TTC39B: variants seen among roughly 807,000 people sequenced by gnomAD.
TTC39B encodes tetratricopeptide repeat domain 39B.
TTC39B carries 92 observed loss-of-function variants against 96.6 expected under a neutral mutation model. The observed-to-expected ratio is 0.95, with a 90% CI of 0.80 to 1.13. TTC39B has a LOEUF of 1.13. TTC39B is among the 50% of genes most tolerant of loss of function. The pLI is 0.00. For synonymous variants in TTC39B, 367 were observed against 299.4 expected (o/e 1.23, Z -2.33); for missense variants, 955 against 809.3 (o/e 1.18, Z -2.18).
exon 20 of TTC39B, chr9:15,163,678 T>C (rs1244246796): frequency 6.6e-6 from 1 of 152,192 alleles, no homozygotes; most frequent in African/African-American, 2.4e-5. Flanking sequence ...AGTAAACCAG[T>C]TGTAGCAATA....
chr9:15,242,960 G>C (rs898614130), intron 2 of TTC39B, among the ~76,000 whole-genome samples: 1 of 152,216 alleles, frequency 6.6e-6, no homozygotes, highest in Admixed American at 6.5e-5. Flanking sequence ...AGGAACCTGT[G>C]GGCCAACCAA....
chr9:15,203,653 A>G (rs990943028), intron 7 of TTC39B, among the ~76,000 whole-genome samples, 170 bp downstream of exon 7: 3 of 152,204 alleles, frequency 2.0e-5, no homozygotes, highest in African/African-American at 7.2e-5. Context: ...GAGGAGGAAC[A>G]AAGCTCTCTA....
At chr9:15,301,457 T>C (rs990511911) in intron 1 of TTC39B, among the ~76,000 whole-genome samples, 8 of 152,168 alleles carry the variant, frequency 5.3e-5, no homozygotes, top group African/African-American at 1.9e-4. Context: ...GTTGGTGGAA[T>C]GAAAGAATAA....
At chr9:15,211,613 T>C (rs1414017921) in intron 4 of TTC39B, among the ~76,000 whole-genome samples, 1 of 152,114 alleles carries the variant, frequency 6.6e-6, no homozygotes, top group Non-Finnish European at 1.5e-5. Flanking sequence ...TGTTCCAGGT[T>C]GAAGGGGACA....
chr9:15,218,108 T>G (rs557723184), intron 3 of TTC39B, among the ~76,000 whole-genome samples: 1 of 143,742 alleles, frequency 7.0e-6, no homozygotes, highest in Admixed American at 7.3e-5. Context: ...CTGCGGAGGT[T>G]GCAGTGAGCT....
chr9:15,235,020 G>GATAAATAAATAA (rs1444990345), intron 2 of TTC39B, among the ~76,000 whole-genome samples: 2 of 55,424 alleles, frequency 3.6e-5, no homozygotes, highest in South Asian at 5.2e-4. Context: ...ACCCAAGAAT[G>GATAAATAAATAA]ATCAATAAAT....
intron 2 of TTC39B, among the ~76,000 whole-genome samples, chr9:15,235,308 G>T (rs765272761): frequency 4.6e-5 from 7 of 152,092 alleles, no homozygotes; most frequent in Non-Finnish European, 8.8e-5. Context: ...CAGACATACA[G>T]GATTGTGCAA....
chr9:15,240,209 G>A (rs1369483432), intron 2 of TTC39B, among the ~76,000 whole-genome samples: 1 of 152,092 alleles, frequency 6.6e-6, no homozygotes, highest in Non-Finnish European at 1.5e-5. Flanking sequence ...ATTTTGCCAG[G>A]CCTGTCACCA....
At chr9:15,175,226 A>G (rs1165042305) in intron 18 of TTC39B, 91 bp from the exon 19 acceptor site, 2 of 891,600 alleles carry the variant, frequency 2.2e-6, no homozygotes, top group Admixed American at 4.1e-5. Context: ...TTCAGAAAAC[A>G]TGTGCAGCAC....
At chr9:15,184,506 T>G (rs1221312183) in intron 16 of TTC39B, among the ~76,000 whole-genome samples, 2 of 151,976 alleles carry the variant, frequency 1.3e-5, no homozygotes, top group African/African-American at 4.8e-5. Flanking sequence ...GCTGACTATC[T>G]ATATAAAAAC....
chr9:15,191,127 C>T, intron 10 of TTC39B, 63 bp downstream of exon 10: 1 of 1,182,006 alleles, frequency 8.5e-7, no homozygotes, highest in Admixed American at 1.9e-5. Context: ...TTGCATTGCC[C>T]TCATGTTCAA....
chr9:15,178,402 G>A (rs1377150898), intron 17 of TTC39B, among the ~76,000 whole-genome samples: 1 of 151,936 alleles, frequency 6.6e-6, no homozygotes, highest in Non-Finnish European at 1.5e-5. Context: ...ATGAGACCCC[G>A]TCTCTACAAA....
chr9:15,228,976 T>C (rs1821279346), intron 2 of TTC39B, among the ~76,000 whole-genome samples: 1 of 152,232 alleles, frequency 6.6e-6, no homozygotes, highest in Admixed American at 6.5e-5. Context: ...ATGGAAATTC[T>C]ACAGTATTTC....
chr9:15,216,588 A>G (rs1415732741), intron 3 of TTC39B, among the ~76,000 whole-genome samples: 1 of 152,178 alleles, frequency 6.6e-6, no homozygotes, highest in African/African-American at 2.4e-5. Context: ...TCAGTGTTAC[A>G]TTCTGAACAT....
At position 15,233,699 on chromosome 9, in the gene TTC39B, C is replaced by G. The variant is rs577634338; in HGVS notation, c.276-7687G>C. 3.3e-5 allele frequency among the ~76,000 whole-genome samples: 5 copies of G among 152,298 alleles called. No homozygotes were observed. In the East Asian group the frequency reaches 9.7e-4, roughly 29 times the overall value. ...CTGGAGTGCAGTGGCGTGATCTCGGCTCGCTACAACATCCACCTCCCAGCC... is the reference window on the plus strand; with the variant it reads ...CTGGAGTGCAGTGGCGTGATCTCGGGTCGCTACAACATCCACCTCCCAGCC... On this transcript the variant is annotated intron_variant, in intron 2 of 19. Transcript: ENST00000512701.
At chr9:15,253,172 C>T (rs1421168313) in intron 2 of TTC39B, among the ~76,000 whole-genome samples, 2 of 152,102 alleles carry the variant, frequency 1.3e-5, no homozygotes, top group Non-Finnish European at 2.9e-5. Context: ...ATGAATGGTA[C>T]CTTATATGAC....
At position 15,304,771 on chromosome 9, in the gene TTC39B, G is replaced by T. The variant is rs1357062040; in HGVS notation, c.240+2313C>A. 2.6e-5 allele frequency among the ~76,000 whole-genome samples: 4 copies of T among 152,026 alleles called. No individual in the cohort carries two copies. In the East Asian group the frequency reaches 5.8e-4, roughly 22 times the overall value. Reference sequence around the variant, plus strand: ...AAGGGAACTGAAAGAGCCCTCTGAGGTTGACAGACTTGCTCAATCAAGGTC... The same window carrying T: ...AAGGGAACTGAAAGAGCCCTCTGAGTTTGACAGACTTGCTCAATCAAGGTC... On this transcript the variant is annotated intron_variant, in intron 1 of 19. Coordinates refer to ENST00000512701, the Ensembl canonical transcript of TTC39B.
intron 2 of TTC39B, among the ~76,000 whole-genome samples, chr9:15,257,631 A>C (rs1586968186): frequency 6.6e-6 from 1 of 152,122 alleles, no homozygotes; most frequent in Admixed American, 6.5e-5. Context: ...TATTTTTTAT[A>C]GAGAGGGGGT....
intron 15 of TTC39B, 75 bp downstream of exon 15, chr9:15,186,869 G>T (rs765424836): frequency 2.2e-6 from 3 of 1,360,748 alleles, no homozygotes; most frequent in African/African-American, 2.9e-5. Flanking sequence ...CTAATTTTTT[G>T]TATTTTCAGT....
Sources: allele counts gnomAD v4.1 joint callset (sites outside exome capture counted in the v4.1 genomes callset), GRCh38; gene constraint gnomAD v4.1.1; transcripts MANE v1.5; gene names NCBI Gene and HGNC (gene_info 2026-07-23, HGNC 2026-07-21).